Variants in ADARB2 observed in about 807,000 individuals in gnomAD.
ADARB2 encodes adenosine deaminase RNA specific B2 (inactive).
ADARB2 carries 25 observed loss-of-function variants against 62.2 expected under a neutral mutation model. That is an observed-to-expected ratio of 0.40 (90% CI 0.29 to 0.56). The LOEUF (loss-of-function observed/expected upper bound fraction) is 0.56. Ranked by LOEUF, ADARB2 falls within the 20% of genes least tolerant of loss-of-function variation. The pLI, the probability that ADARB2 is intolerant of heterozygous loss-of-function variation, is 0.43. For missense variants in ADARB2, 1,071 were observed against 1,077.4 expected (o/e 0.99, Z 0.08); for synonymous variants, 572 against 500.8 (o/e 1.14, Z -1.90).
chr10:1,681,306 C>T (rs372747675), intron 1 of ADARB2, among the ~76,000 whole-genome samples: 3 of 152,086 alleles, frequency 2.0e-5, no homozygotes, highest in Admixed American at 6.5e-5. Flanking sequence ...TTCATTTCCT[C>T]GAAGCAGTCT....
intron 4 of ADARB2, among the ~76,000 whole-genome samples, chr10:1,247,769 C>A (rs576221813): frequency 6.6e-6 from 1 of 152,328 alleles, no homozygotes; most frequent in South Asian, 2.1e-4. Context: ...GCCACCATGG[C>A]GGGACCACAG....
chr10:1,695,491 G>T, intron 1 of ADARB2, among the ~76,000 whole-genome samples: 1 of 152,206 alleles, frequency 6.6e-6, no homozygotes, highest in South Asian at 2.1e-4. Flanking sequence ...TTCATTAAGA[G>T]CTTATTAAAC....
chr10:1,460,110 G>A (rs552508335), intron 1 of ADARB2, among the ~76,000 whole-genome samples: 1 of 48,910 alleles, frequency 2.0e-5, no homozygotes, highest in East Asian at 3.6e-4. Context: ...GAGTTTACCT[G>A]CGTTACGAAC....
At chr10:1,344,686 G>C (rs1832062346) in intron 3 of ADARB2, among the ~76,000 whole-genome samples, 1 of 152,188 alleles carries the variant, frequency 6.6e-6, no homozygotes, top group Non-Finnish European at 1.5e-5. Flanking sequence ...GTGCTAGGAG[G>C]GTGGTCAGAG....
At chr10:1,384,966 A>G (rs1349891607) in intron 1 of ADARB2, among the ~76,000 whole-genome samples, 1 of 152,180 alleles carries the variant, frequency 6.6e-6, no homozygotes, top group African/African-American at 2.4e-5. Flanking sequence ...AGATCACTGA[A>G]GAGCTAGGAT....
chr10:1,703,644 A>G (rs759121275), intron 1 of ADARB2, among the ~76,000 whole-genome samples: 2 of 152,242 alleles, frequency 1.3e-5, no homozygotes, highest in Non-Finnish European at 2.9e-5. Context: ...TAGCATAATA[A>G]TCTTAAAATG....
intron 1 of ADARB2, among the ~76,000 whole-genome samples, chr10:1,686,251 G>A (rs56091809): frequency 2.6e-5 from 4 of 152,204 alleles, no homozygotes; most frequent in Non-Finnish European, 4.4e-5. Flanking sequence ...ATGGGCCAAG[G>A]CCTCGGCGGG....
intron 1 of ADARB2, among the ~76,000 whole-genome samples, chr10:1,635,139 A>G (rs1283273688): frequency 6.6e-6 from 1 of 152,260 alleles, no homozygotes; most frequent in East Asian, 1.9e-4. Flanking sequence ...TATCTTACGT[A>G]GAGGAGTGCC....
chr10:1,694,065 A>G (rs1432211165), intron 1 of ADARB2, among the ~76,000 whole-genome samples: 1 of 152,218 alleles, frequency 6.6e-6, no homozygotes, highest in Admixed American at 6.5e-5. Flanking sequence ...AGCCTTTAAT[A>G]TTTTAATCTG....
chr10:1,582,248 G>A (rs1254787659), intron 1 of ADARB2, among the ~76,000 whole-genome samples: 1 of 152,130 alleles, frequency 6.6e-6, no homozygotes, highest in Non-Finnish European at 1.5e-5. Flanking sequence ...CGGCAGCAGT[G>A]GGAAGTGACG....
chr10:1,411,510 G>A lies in ADARB2; in HGVS notation c.101-32350C>T, dbSNP rs568993469. On this transcript the variant is annotated intron_variant, in intron 1 of 9. Transcript: ENST00000381312. ...ACCCAAGATTCTGTGAACCCAAAGC[G>A]GGAATTTGAAGCTTTTTCCTCCTCA... 7.2e-5 allele frequency among the ~76,000 whole-genome samples: 11 copies of A among 152,334 alleles called. No individual in the cohort carries two copies. In the South Asian group the frequency reaches 1.5e-3, roughly 20 times the overall value.
rs550907200 is a variant in ADARB2 at position 1,217,448 on chromosome 10, C to A, written c.1514-329G>T. On this transcript the variant is annotated intron_variant, in intron 6 of 9. Transcript: ENST00000381312. The stretch of plus-strand genomic sequence containing the variant: ...CCGTGCTCAGGCCAGTAAGGGGCCA[C>A]CGCGTCCTCAATGCTTCATTTACAG... 6.6e-5 allele frequency among the ~76,000 whole-genome samples: 10 copies of A among 152,354 alleles called. No homozygotes were observed. The East Asian group carries it at 1.7e-3, about 27-fold the overall frequency.
chr10:1,431,610 G>C (rs117274525), intron 1 of ADARB2, among the ~76,000 whole-genome samples: 1 of 152,004 alleles, frequency 6.6e-6, no homozygotes, highest in Non-Finnish European at 1.5e-5. Context: ...GAATAAAGAT[G>C]AGAGAAGAAA....
chr10:1,332,190 G>A (rs903547295), intron 3 of ADARB2, among the ~76,000 whole-genome samples: 14 of 152,298 alleles, frequency 9.2e-5, no homozygotes, highest in African/African-American at 3.1e-4. Flanking sequence ...GACTGCCTGA[G>A]CCCAGGAATT....
intron 7 of ADARB2, among the ~76,000 whole-genome samples, chr10:1,210,627 T>G (rs1382781515): frequency 1.3e-5 from 2 of 152,228 alleles, no homozygotes; most frequent in Non-Finnish European, 2.9e-5. Context: ...CAGGGCATCA[T>G]CAATCACGTC....
At chr10:1,513,539 G>A (rs897830361) in intron 1 of ADARB2, among the ~76,000 whole-genome samples, 8 of 152,228 alleles carry the variant, frequency 5.3e-5, no homozygotes, top group Non-Finnish European at 1.0e-4. Context: ...GTTCTAGCCA[G>A]GAGTCTCTCA....
intron 3 of ADARB2, among the ~76,000 whole-genome samples, chr10:1,347,865 G>A (rs2131842326): frequency 6.6e-6 from 1 of 152,264 alleles, no homozygotes; most frequent in East Asian, 1.9e-4. Context: ...GAGGCAGTAA[G>A]AGATGGAGGG....
At chr10:1,360,664 A>G (rs189609488) in intron 3 of ADARB2, among the ~76,000 whole-genome samples, 22 of 152,308 alleles carry the variant, frequency 1.4e-4, no homozygotes, top group African/African-American at 5.0e-4. Flanking sequence ...GGGGAGCGGT[A>G]CGAGGGAGGG....
At chr10:1,497,472 G>A (rs1292434529) in intron 1 of ADARB2, among the ~76,000 whole-genome samples, 1 of 152,150 alleles carries the variant, frequency 6.6e-6, no homozygotes, top group Non-Finnish European at 1.5e-5. Flanking sequence ...TAGAGAAAGA[G>A]CTTTTTGAAA....
Sources: gnomAD v4.1 joint callset for allele counts (sites outside exome capture counted in the v4.1 genomes callset) on GRCh38, gnomAD v4.1.1 for gene constraint, MANE v1.5 for transcripts, NCBI Gene and HGNC (gene_info 2026-07-23, HGNC 2026-07-21) for gene names.